The following LRBA variants were observed in gnomAD, a reference collection of about 807,000 sequenced individuals.
LRBA encodes lipopolysaccharide-responsive and beige-like anchor protein.
A neutral mutation model predicts 330.0 loss-of-function variants in LRBA; 176 were observed. The ratio of observed to expected loss-of-function variants is 0.53; its 90% CI spans 0.47 to 0.60. The LOEUF (loss-of-function observed/expected upper bound fraction) is 0.60, where lower values mean the gene tolerates loss of function less well. Among genes scored for constraint, LRBA ranks in the 20% least tolerant of loss-of-function variants. The pLI, the probability that LRBA is intolerant of heterozygous loss-of-function variation, is 0.00. For missense variants in LRBA, 3,259 were observed against 3,444.8 expected, an observed-to-expected ratio of 0.95 and a Z score of 1.35; for synonymous variants, 1,230 against 1,193.0, an observed-to-expected ratio of 1.03 and a Z score of -0.64.
chr4:150,406,638 A>G (rs1237093044), intron 47 of LRBA, among the ~76,000 whole-genome samples: 1 of 152,228 alleles, frequency 6.6e-6, no homozygotes, highest in Non-Finnish European at 1.5e-5. Context: ...TTTATCAGGA[A>G]GACATAACAA....
Position 150,487,846 on chromosome 4 carries a change from G to A in LRBA, c.6449-12C>T, listed in dbSNP as rs1412366388. The A allele has an allele frequency of 2.0e-6, 3 of 1,485,224 alleles. No homozygotes were observed. The highest frequency in any genetic ancestry group is 9.3e-7 in the Non-Finnish European group (1 of 1,075,846). The allele number at this position is 1,485,224 out of a possible 1,614,324, so 92.0% of individuals were successfully genotyped here. A position where few individuals can be genotyped will look rare whatever the true frequency, so the allele number is the denominator to read the frequency against. On this transcript the variant is annotated splice_polypyrimidine_tract_variant and intron_variant, in intron 41 of 56. Transcript: ENST00000651943. The stretch of plus-strand genomic sequence containing the variant: ...GAACATCACAGCAACTACAACAGAT[G>A]ATTTTTAAAAATTAGAACACAGTAT...
chr4:150,442,344 T>C (rs1751953934), intron 44 of LRBA, among the ~76,000 whole-genome samples: 1 of 152,128 alleles, frequency 6.6e-6, no homozygotes, highest in Admixed American at 6.6e-5. Context: ...TGCTTGAAAA[T>C]GCTTAAGCAT....
intron 37 of LRBA, among the ~76,000 whole-genome samples, chr4:150,670,281 TGTC>T (rs1448248616): frequency 6.6e-5 from 10 of 152,234 alleles, no homozygotes; most frequent in African/African-American, 2.2e-4. Context: ...AAAGAAGAGC[TGTC>T]TCTTACCTCC....
At chr4:150,604,320 C>G (rs932373778) in intron 37 of LRBA, among the ~76,000 whole-genome samples, 1 of 151,100 alleles carries the variant, frequency 6.6e-6, no homozygotes. Flanking sequence ...GGGAAGGTTT[C>G]TTGAGCCCAT....
chr4:150,906,716 T>C (rs1731378629), intron 11 of LRBA, among the ~76,000 whole-genome samples: 1 of 152,150 alleles, frequency 6.6e-6, no homozygotes, highest in Admixed American at 6.5e-5. Flanking sequence ...TAACAAATAC[T>C]TATTAAAAAT....
chr4:150,315,329 A>G, intron 51 of LRBA: 2 of 583,294 alleles, frequency 3.4e-6, no homozygotes, highest in Non-Finnish European at 6.1e-6. Flanking sequence ...CAGCATCCAT[A>G]TTAATTTTCA....
chr4:150,665,371 T>C (rs1781473104), intron 37 of LRBA, among the ~76,000 whole-genome samples: 1 of 152,174 alleles, frequency 6.6e-6, no homozygotes, highest in Admixed American at 6.5e-5. Flanking sequence ...TAAAGTTCTA[T>C]ATCAGTGTAG....
chr4:150,663,107 T>A (rs914006766), intron 37 of LRBA, among the ~76,000 whole-genome samples: 2 of 152,190 alleles, frequency 1.3e-5, no homozygotes, highest in African/African-American at 4.8e-5. Flanking sequence ...AAATACAACT[T>A]GAGGAAATTT....
chr4:150,569,609 T>C (rs1344881477), intron 40 of LRBA, among the ~76,000 whole-genome samples: 1 of 152,176 alleles, frequency 6.6e-6, no homozygotes, highest in African/African-American at 2.4e-5. Context: ...CGTACATCTT[T>C]GATCAAGCTG....
intron 30 of LRBA, among the ~76,000 whole-genome samples, chr4:150,818,952 C>T (rs1745020082): frequency 6.6e-6 from 1 of 151,980 alleles, no homozygotes; most frequent in Non-Finnish European, 1.5e-5. Flanking sequence ...AACATGTATA[C>T]AGTAATGGTC....
At chr4:150,559,833 ATAT>A (rs1254601750) in intron 40 of LRBA, among the ~76,000 whole-genome samples, 3 of 56,980 alleles carry the variant, frequency 5.3e-5, no homozygotes, top group African/African-American at 1.8e-4. Context: ...ATAATATAAA[ATAT>A]AATATATATA....
chr4:150,568,373 G>A (rs1769413264), intron 40 of LRBA, among the ~76,000 whole-genome samples: 1 of 152,060 alleles, frequency 6.6e-6, no homozygotes, highest in African/African-American at 2.4e-5. Context: ...GTAAAAACCT[G>A]CCAAGGGAAC....
chr4:150,852,657 T>C lies in LRBA; in HGVS notation c.3053A>G (p.Glu1018Gly), dbSNP rs1309613002. The change falls in exon 23 of 57, where the codon GAA becomes GGA. Residue 1018 changes from glutamate to glycine, a missense_variant. Glu to Gly is a moderately conservative substitution (Grantham distance 98, BLOSUM62 -2). Transcript: ENST00000651943. The part of the protein sequence containing the change: ...ELQTTNTSYE[E>G]MKAEQENQEL... Reference sequence around the variant, plus strand: ...CTGATTTTCTTGCTCAGCTTTCATTTCTTCATAAGATGTATTAGTAGTTTG... The same window carrying C: ...CTGATTTTCTTGCTCAGCTTTCATTCCTTCATAAGATGTATTAGTAGTTTG... The C allele has an allele frequency of 6.2e-7, 1 of 1,614,100 alleles. No homozygotes were observed. The highest frequency in any genetic ancestry group is 8.5e-7 in the Non-Finnish European group (1 of 1,179,974).
intron 40 of LRBA, among the ~76,000 whole-genome samples, chr4:150,520,492 G>T (rs1025734785): frequency 6.6e-6 from 1 of 151,974 alleles, no homozygotes; most frequent in South Asian, 2.1e-4. Flanking sequence ...TATTGTAAAT[G>T]ATATTAAATT....
intron 47 of LRBA, among the ~76,000 whole-genome samples, chr4:150,368,756 G>A (rs1030815750): frequency 1.4e-4 from 22 of 152,250 alleles, no homozygotes; most frequent in African/African-American, 9.6e-5. Context: ...ACAAGGTGAT[G>A]TCAAGTAATT....
intron 37 of LRBA, among the ~76,000 whole-genome samples, chr4:150,609,142 T>A (rs770229668): frequency 2.0e-5 from 3 of 152,332 alleles, no homozygotes; most frequent in East Asian, 1.9e-4. Flanking sequence ...TGTTCAGATA[T>A]CTATCACTTT....
At chr4:150,484,821 A>T (rs2152087850) in intron 42 of LRBA, among the ~76,000 whole-genome samples, 1 of 151,880 alleles carries the variant, frequency 6.6e-6, no homozygotes, top group African/African-American at 2.4e-5. Context: ...CTTTATCTTC[A>T]TGTTAAACAT....
intron 2 of LRBA, among the ~76,000 whole-genome samples, chr4:150,978,425 G>T (rs1740448482): frequency 6.6e-6 from 1 of 152,076 alleles, no homozygotes; most frequent in South Asian, 2.1e-4. Flanking sequence ...AAGACAGATG[G>T]GCACAAATAA....
In LRBA at chr4:150,687,534, A is replaced by G. The variant is rs138048623; in HGVS notation, c.5755-3817T>C. Reference sequence around the variant, plus strand: ...CAACATGGCCACAAAATATTTGACTATAAAAAGAAAAAAATAAGCATTTGG... The same window carrying G: ...CAACATGGCCACAAAATATTTGACTGTAAAAAGAAAAAAATAAGCATTTGG... On this transcript the variant is annotated intron_variant, in intron 36 of 56. Transcript: ENST00000651943. 2.9e-3 allele frequency among the ~76,000 whole-genome samples: 441 copies of G among 152,256 alleles called. 1 individual carries two copies. The highest frequency in any genetic ancestry group is 9.7e-3 in the African/African-American group (403 of 41,564).
Sources: gnomAD v4.1 joint callset for allele counts (sites outside exome capture counted in the v4.1 genomes callset) on GRCh38, gnomAD v4.1.1 for gene constraint, MANE v1.5 for transcripts, NCBI Gene and HGNC (gene_info 2026-07-23, HGNC 2026-07-21) for gene names.